ZNF469: variants seen among roughly 807,000 people sequenced by gnomAD.
ZNF469 encodes zinc finger protein 469.
A neutral mutation model predicts 1.0 loss-of-function variants in ZNF469; 1 was observed. That is an observed-to-expected ratio of 1.00 (90% CI 0.35 to 4.73). The LOEUF is 4.73. Ranked by LOEUF, ZNF469 falls within the 30% of genes most tolerant of loss-of-function variation. The probability of loss-of-function intolerance (pLI) is 0.16; values close to 1 mark genes in which losing one functional copy is unlikely to be tolerated. For synonymous variants in ZNF469, 2,703 were observed against 2,363.4 expected (o/e 1.14, Z -4.17); for missense variants, 6,100 against 5,356.3 (o/e 1.14, Z -4.33).
Position 88,430,892 on chromosome 16 carries a change from C to T in ZNF469, c.3422C>T (p.Ala1141Val), listed in dbSNP as rs1466945677. Residue 1141 changes from alanine (A) to valine (V), a missense_variant, in exon 3 of 3, where the codon GCG becomes GTG. Transcript: ENST00000565624. ...GATGAGCCACAGAAACCCCGGAAGGCGGCGAGGCAGGAAGCCGGCGGGGAC... is the reference window on the plus strand; with the variant it reads ...GATGAGCCACAGAAACCCCGGAAGGTGGCGAGGCAGGAAGCCGGCGGGGAC... ...REDEPQKPRK[A>V]ARQEAGGDGA... is the part of the protein sequence containing the mutation. 1.8e-5 allele frequency: 28 copies of T among 1,537,608 alleles called. No homozygotes were observed. The highest frequency in any genetic ancestry group is 9.8e-5 in the East Asian group (4 of 40,816).
chr16:88,306,890 G>A, the ZNF469 span, among the ~76,000 whole-genome samples: 1 of 152,274 alleles, frequency 6.6e-6, no homozygotes, highest in African/African-American at 2.4e-5. Flanking sequence ...TTTTAATTCA[G>A]TGTTTTTTTG....
chr16:88,222,514 A>G, the ZNF469 span, among the ~76,000 whole-genome samples: 124,873 of 152,130 alleles, frequency 0.82, 51,987 homozygotes, highest in Non-Finnish European at 0.9. Context: ...TCCCAGCACC[A>G]TGGGAGGCCG....
the ZNF469 span, among the ~76,000 whole-genome samples, chr16:88,370,183 TAACC>T: frequency 6.6e-6 from 1 of 152,232 alleles, no homozygotes; most frequent in Admixed American, 6.5e-5. Flanking sequence ...ACGTCTCTTA[TAACC>T]AGCTTTTTAC....
At chr16:88,187,380 G>A in the ZNF469 span, among the ~76,000 whole-genome samples, 4 of 152,176 alleles carry the variant, frequency 2.6e-5, no homozygotes, top group African/African-American at 7.2e-5. Context: ...CAAAATTCTC[G>A]CTGATAAAAA....
At chr16:88,271,924 G>T in the ZNF469 span, among the ~76,000 whole-genome samples, 1 of 152,016 alleles carries the variant, frequency 6.6e-6, no homozygotes, top group African/African-American at 2.4e-5. Flanking sequence ...TGGGTGTATG[G>T]GTAGATGAGT....
the ZNF469 span, among the ~76,000 whole-genome samples, chr16:88,305,840 G>A: frequency 1.3e-5 from 2 of 151,988 alleles, no homozygotes; most frequent in Non-Finnish European, 2.9e-5. Flanking sequence ...CACATGCCCA[G>A]ACACAGATGC....
the ZNF469 span, among the ~76,000 whole-genome samples, chr16:88,310,630 T>C: frequency 2.0e-5 from 3 of 152,060 alleles, no homozygotes; most frequent in East Asian, 5.8e-4. Flanking sequence ...TTGCCCAGGC[T>C]GGAGTGCAGC....
the ZNF469 span, among the ~76,000 whole-genome samples, chr16:88,157,862 G>A: frequency 6.6e-6 from 1 of 151,934 alleles, no homozygotes; most frequent in Non-Finnish European, 1.5e-5. Flanking sequence ...GCTGGCACCT[G>A]GTGAGGATGC....
the ZNF469 span, among the ~76,000 whole-genome samples, chr16:88,149,400 G>A: frequency 1.3e-4 from 20 of 152,240 alleles, no homozygotes; most frequent in East Asian, 5.8e-4. Flanking sequence ...CTGTCAGGCC[G>A]GTGTCTGTGT....
chr16:88,243,440 G>A, the ZNF469 span, among the ~76,000 whole-genome samples: 1 of 152,194 alleles, frequency 6.6e-6, no homozygotes, highest in Non-Finnish European at 1.5e-5. Flanking sequence ...CAGGCACAGA[G>A]CGTCCATCAG....
At position 88,432,022 on chromosome 16, in the gene ZNF469, C is replaced by T; in HGVS notation, c.4552C>T (p.Leu1518Phe). 6.4e-7 allele frequency: 1 copy of T among 1,550,432 alleles called. No homozygotes were observed. Among genetic ancestry groups the T allele is most frequent in the Non-Finnish European group, 8.7e-7 (1 of 1,146,984 alleles). The change falls in exon 3 of 3, where the codon CTC becomes TTC. Residue 1518 changes from leucine to phenylalanine, a missense_variant. Transcript: ENST00000565624. ...SPMLPSHFPD[L>F]SGGKVLSKTC... is the part of the protein sequence containing the mutation. ...GATGCTGCCTAGCCATTTTCCTGAT[C>T]TCTCGGGGGGAAAGGTGCTCAGTAA...
Position 88,429,256 on chromosome 16 carries a change from C to CCGGCCACCAACA in ZNF469, c.1792_1803dup (p.Thr598_Ala601dup), listed in dbSNP as rs1375085273. ...CCCCAGCGAGTCCCCACTGCCGTCA[C>CCGGCCACCAACA]CGGCCACCAACACGGCCGGCAGCAC... On this transcript the variant is annotated inframe_insertion, in exon 3 of 3. Coordinates refer to ENST00000565624, the MANE Select transcript of ZNF469 (RefSeq NM_001367624.2). 6.5e-7 allele frequency: 1 copy of CCGGCCACCAACA among 1,549,754 alleles called. No homozygotes were observed. Among genetic ancestry groups the CCGGCCACCAACA allele is most frequent in the Non-Finnish European group, 8.7e-7 (1 of 1,146,840 alleles).
chr16:88,139,955 A>C, the ZNF469 span, among the ~76,000 whole-genome samples: 1 of 152,222 alleles, frequency 6.6e-6, no homozygotes, highest in African/African-American at 2.4e-5. Context: ...CAACAACAAA[A>C]GATACACAAA....
rs778493391 is a variant in ZNF469, at chr16:88,435,093, C to T, written c.7623C>T (p.His2541=). ...HRVSGKERPN[H]SRGDPSHVTQ... is the part of the protein sequence containing the mutation. Reference sequence around the variant, plus strand: ...TGTCTGGGAAGGAGAGACCAAATCACTCACGGGGAGACCCCAGCCACGTCA... The same window carrying T: ...TGTCTGGGAAGGAGAGACCAAATCATTCACGGGGAGACCCCAGCCACGTCA... Residue 2541 remains histidine, a synonymous_variant, in exon 3 of 3, where the codon CAC becomes CAT. Coordinates refer to ENST00000565624, the MANE Select transcript of ZNF469 (RefSeq NM_001367624.2). The T allele has an allele frequency of 1.5e-5, 23 of 1,550,284 alleles. No homozygotes were observed. The highest frequency in any genetic ancestry group is 8.2e-5 in the African/African-American group (6 of 73,058).
the ZNF469 span, among the ~76,000 whole-genome samples, chr16:88,281,205 C>T: frequency 1.3e-4 from 14 of 106,372 alleles, 2 homozygotes; most frequent in East Asian, 7.7e-4. Context: ...GCTATGCTGA[C>T]GCTTGGTCAG....
At chr16:88,131,110 G>T in the ZNF469 span, among the ~76,000 whole-genome samples, 1 of 152,192 alleles carries the variant, frequency 6.6e-6, no homozygotes, top group African/African-American at 2.4e-5. Flanking sequence ...TGTTCAGATC[G>T]TCTCCTGGAA....
At chr16:88,205,597 A>C in the ZNF469 span, among the ~76,000 whole-genome samples, 1 of 152,202 alleles carries the variant, frequency 6.6e-6, no homozygotes, top group Non-Finnish European at 1.5e-5. This position sits in a 1 kb window ranked among gnomAD's most constrained non-coding sequence, Gnocchi z 4.2. Context: ...TCTCTATAAA[A>C]ACACACACAA....
chr16:88,317,734 C>T, the ZNF469 span, among the ~76,000 whole-genome samples: 3 of 152,248 alleles, frequency 2.0e-5, no homozygotes, highest in African/African-American at 7.2e-5. Context: ...TCCCAGACGC[C>T]TTTCCCTTGA....
the ZNF469 span, among the ~76,000 whole-genome samples, chr16:88,196,439 C>CA: frequency 1.3e-5 from 2 of 152,180 alleles, no homozygotes; most frequent in African/African-American, 2.4e-5. Context: ...GATAATATGA[C>CA]AGAGGTACCC....
Sources: gnomAD v4.1 joint callset for allele counts (sites outside exome capture counted in the v4.1 genomes callset) on GRCh38, gnomAD v4.1.1 for gene constraint, Gnocchi (gnomAD v3.1) non-coding constraint, MANE v1.5 for transcripts, NCBI Gene and HGNC (gene_info 2026-07-23, HGNC 2026-07-21) for gene names.